The following POLA1 variants were observed in gnomAD, a reference collection of about 807,000 sequenced individuals.
POLA1 encodes DNA polymerase alpha 1, catalytic subunit, also known as DNA polymerase alpha catalytic subunit.
In POLA1, 15 loss-of-function variants were observed where a neutral mutation model predicts 124.0. That is an observed-to-expected ratio of 0.12 (90% CI 0.08 to 0.19). The LOEUF (loss-of-function observed/expected upper bound fraction) is 0.19. Among genes scored for constraint, POLA1 ranks in the 10% least tolerant of loss-of-function variants. The pLI is 1.00. For missense variants in POLA1, 886 were observed against 1,103.4 expected, an observed-to-expected ratio of 0.80 and a Z score of 2.79; for synonymous variants, 408 against 389.4, an observed-to-expected ratio of 1.05 and a Z score of -0.56.
At position 24,955,189 on chromosome X, in the gene POLA1, A is replaced by AGTC. The variant is rs1451376944; in HGVS notation, c.4261+24641_4261+24643dup. On this transcript the variant is annotated intron_variant, in intron 36 of 36. Transcript: ENST00000379068. ...TTTTTCTTCTCTTTTTTTTTGAGAC[A>AGTC]GTCTCACTCGTTTGCCTAGGCTGGA... Among the ~76,000 whole-genome samples the AGTC allele has an allele frequency of 5.0e-5, 5 of 100,584 alleles. No homozygotes were observed. In the East Asian group the frequency reaches 1.5e-3, roughly 31 times the overall value. 87.3% of individuals were successfully genotyped at this position (100,584 alleles called of 115,157 possible). A position where few individuals can be genotyped will look rare whatever the true frequency, so the allele number is the denominator to read the frequency against.
At chrX:24,761,779 ATTC>A (rs1484421506) in intron 26 of POLA1, among the ~76,000 whole-genome samples, 2 of 112,275 alleles carry the variant, frequency 1.8e-5, no homozygotes, top group Non-Finnish European at 3.8e-5. Flanking sequence ...ATAGCCAGGA[ATTC>A]TTCAAGTGAT....
chrX:24,752,227 T>C (rs1482037186), intron 26 of POLA1, among the ~76,000 whole-genome samples: 1 of 112,050 alleles, frequency 8.9e-6, no homozygotes, highest in Non-Finnish European at 1.9e-5. Flanking sequence ...TTAAAACAGG[T>C]TTATAATAAA....
At position 24,719,510 on chromosome X, in the gene POLA1, T is replaced by TAC. The variant is rs1252870468; in HGVS notation, c.1087+1753_1087+1754insCA. On this transcript the variant is annotated intron_variant, in intron 10 of 36. Coordinates refer to ENST00000379068, the MANE Select transcript of POLA1 (RefSeq NM_001330360.2). The stretch of plus-strand genomic sequence containing the variant: ...GTTACTCTGCTGGAAGTCTGGCAAG[T>TAC]ATGATTACATGAGGCTAAGCAGATG... 4.5e-5 allele frequency among the ~76,000 whole-genome samples: 5 copies of TAC among 111,853 alleles called. No individual in the cohort carries two copies. The East Asian group carries it at 1.4e-3, about 31-fold the overall frequency.
intron 34 of POLA1, among the ~76,000 whole-genome samples, chrX:24,860,336 C>T (rs1423624659): frequency 8.9e-6 from 1 of 112,656 alleles, no homozygotes; most frequent in Non-Finnish European, 1.9e-5. Context: ...TGGCTTTTGC[C>T]TCCTTTTGGA....
intron 34 of POLA1, among the ~76,000 whole-genome samples, chrX:24,870,271 A>G (rs777405185): frequency 8.9e-6 from 1 of 112,210 alleles, no homozygotes; most frequent in Admixed American, 9.4e-5. Flanking sequence ...TGCCCCAGGT[A>G]TGTGACCACT....
intron 26 of POLA1, chrX:24,788,461 C>T: frequency 8.4e-7 from 1 of 1,197,246 alleles, no homozygotes. Flanking sequence ...TCTGCTCCTC[C>T]AGCATATCTG....
At chrX:24,783,237 C>T (rs2045299004) in intron 26 of POLA1, among the ~76,000 whole-genome samples, 1 of 111,506 alleles carries the variant, frequency 9.0e-6, no homozygotes, top group African/African-American at 3.3e-5. Flanking sequence ...TCCATATATC[C>T]ACCAAAACCT....
chrX:24,699,270 C>T (rs1928243759), intron 1 of POLA1, among the ~76,000 whole-genome samples, 155 bp from the exon 2 acceptor site: 1 of 112,069 alleles, frequency 8.9e-6, no homozygotes, highest in Non-Finnish European at 1.9e-5. Flanking sequence ...TATGTTTGGC[C>T]ATGAGCTTTG....
intron 35 of POLA1, among the ~76,000 whole-genome samples, chrX:24,907,592 G>A (rs1569357837): frequency 1.8e-5 from 2 of 112,075 alleles, no homozygotes; most frequent in Non-Finnish European, 3.8e-5. Flanking sequence ...TTTTGGAAGT[G>A]TTTAAACAAT....
intron 15 of POLA1, among the ~76,000 whole-genome samples, chrX:24,729,218 T>TG (rs1930737147): frequency 1.8e-5 from 2 of 112,050 alleles, no homozygotes; most frequent in African/African-American, 6.5e-5. Context: ...AATGCTTTTG[T>TG]GGGGTACTGT....
chrX:24,757,436 C>CTTTTTTTTTT (rs66782103), intron 26 of POLA1, among the ~76,000 whole-genome samples: 7 of 62,138 alleles, frequency 1.1e-4, no homozygotes, highest in African/African-American at 4.9e-4. Flanking sequence ...AAATCTGAAA[C>CTTTTTTTTTT]TTTTTTTTTT....
At chrX:24,987,191 C>T (rs1373918442) in intron 36 of POLA1, among the ~76,000 whole-genome samples, 6 of 111,731 alleles carry the variant, frequency 5.4e-5, no homozygotes, top group African/African-American at 2.0e-4. Flanking sequence ...GTTCAGCAAC[C>T]TAAGAGGAAT....
Position 24,782,177 on chromosome X carries a change from T to A in POLA1, c.2965-27721T>A, listed in dbSNP as rs151321733. 2.1e-3 allele frequency among the ~76,000 whole-genome samples: 234 copies of A among 111,969 alleles called. 2 individuals are homozygous for A. The highest frequency in any genetic ancestry group is 7.4e-3 in the African/African-American group (227 of 30,776). Reference sequence around the variant, plus strand: ...AGACTGGTGAGGTCGAACTGAGAGATTAGTGCATTTTCTCTTTATAGACAA... The same window carrying A: ...AGACTGGTGAGGTCGAACTGAGAGAATAGTGCATTTTCTCTTTATAGACAA... On this transcript the variant is annotated intron_variant, in intron 26 of 36. Coordinates refer to ENST00000379068, the MANE Select transcript of POLA1 (RefSeq NM_001330360.2).
chrX:24,846,417 GA>G (rs2046477454), intron 34 of POLA1, among the ~76,000 whole-genome samples: 1 of 111,826 alleles, frequency 8.9e-6, no homozygotes, highest in African/African-American at 3.2e-5. Flanking sequence ...ATGAAGTGTT[GA>G]AAGACTTCGA....
chrX:24,846,385 CTG>C (rs1202993786), intron 34 of POLA1, among the ~76,000 whole-genome samples: 5 of 111,685 alleles, frequency 4.5e-5, no homozygotes, highest in Admixed American at 3.8e-4. Flanking sequence ...GAAGATAACT[CTG>C]TGCTTTGTCT....
chrX:24,827,830 G>A (rs1248445794), intron 32 of POLA1, among the ~76,000 whole-genome samples: 1 of 112,022 alleles, frequency 8.9e-6, no homozygotes, highest in African/African-American at 3.2e-5. Flanking sequence ...CTTCTTTTAG[G>A]CGTCAGTAGA....
chrX:24,759,269 T>C (rs941533714), intron 26 of POLA1, among the ~76,000 whole-genome samples: 7 of 112,566 alleles, frequency 6.2e-5, no homozygotes, highest in African/African-American at 2.3e-4. Context: ...CACATGGGTC[T>C]GCATAAACTA....
intron 36 of POLA1, among the ~76,000 whole-genome samples, chrX:24,964,399 A>G (rs1475766666): frequency 1.8e-5 from 2 of 112,827 alleles, no homozygotes; most frequent in Non-Finnish European, 3.7e-5. Context: ...AATTCTCTAC[A>G]TGAATTCTGA....
chrX:24,946,294 C>G (rs1033773944), intron 36 of POLA1, among the ~76,000 whole-genome samples: 2 of 111,641 alleles, frequency 1.8e-5, no homozygotes, highest in Non-Finnish European at 3.8e-5. Flanking sequence ...TCCAAGCGGT[C>G]TGGAACAGGA....
Sources: allele counts gnomAD v4.1 joint callset (sites outside exome capture counted in the v4.1 genomes callset), GRCh38; gene constraint gnomAD v4.1.1; transcripts MANE v1.5; gene names NCBI Gene and HGNC (gene_info 2026-07-23, HGNC 2026-07-21).